MAP2K1: variants seen among roughly 807,000 people sequenced by gnomAD.
The protein encoded by MAP2K1 is mitogen-activated protein kinase kinase 1.
A neutral mutation model predicts 46.3 loss-of-function variants in MAP2K1; 16 were observed. That is an observed-to-expected ratio of 0.35 (90% CI 0.23 to 0.52). The LOEUF is 0.52. Among genes scored for constraint, MAP2K1 ranks in the 20% least tolerant of loss-of-function variants. The probability of loss-of-function intolerance (pLI) is 0.94; values close to 1 mark genes in which losing one functional copy is unlikely to be tolerated. For synonymous variants in MAP2K1, 183 were observed against 185.6 expected, an observed-to-expected ratio of 0.99 and a Z score of 0.11; for missense variants, 263 against 497.1, an observed-to-expected ratio of 0.53 and a Z score of 4.48.
Position 66,490,923 on chromosome 15 carries a change from C to T in MAP2K1, c.*308C>T. On this transcript the variant is annotated 3_prime_UTR_variant, in exon 11 of 11. Coordinates refer to ENST00000307102, the MANE Select transcript of MAP2K1 (RefSeq NM_002755.4). ...TGGTGAATGTGGGTAGTCATTCTTACAATTGCACTGCTGTTCCTGCTCCAT... is the reference window on the plus strand; with the variant it reads ...TGGTGAATGTGGGTAGTCATTCTTATAATTGCACTGCTGTTCCTGCTCCAT... The T allele has an allele frequency of 1.1e-5, 5 of 475,514 alleles. No individual in the cohort carries two copies. The highest frequency in any genetic ancestry group is 1.9e-5 in the Non-Finnish European group (5 of 257,218). The allele number at this position is 475,514 out of a possible 1,614,324, so 29.5% of individuals were successfully genotyped here. A position where few individuals can be genotyped will look rare whatever the true frequency, so the allele number is the denominator to read the frequency against.
chr15:66,448,357 C>T (rs1395638806), intron 5 of MAP2K1, among the ~76,000 whole-genome samples: 1 of 152,106 alleles, frequency 6.6e-6, no homozygotes. Flanking sequence ...GTGCTAGACA[C>T]TGGTTCTTAA....
At chr15:66,458,253 G>C (rs562608230) in intron 5 of MAP2K1, among the ~76,000 whole-genome samples, 2 of 152,190 alleles carry the variant, frequency 1.3e-5, no homozygotes, top group East Asian at 1.9e-4. Flanking sequence ...CCACCCTGCC[G>C]TTCTTAACCT....
At chr15:66,415,867 G>A (rs1016067275) in intron 1 of MAP2K1, among the ~76,000 whole-genome samples, 1 of 152,184 alleles carries the variant, frequency 6.6e-6, no homozygotes, top group Admixed American at 6.5e-5. Context: ...CTGAGGGAAG[G>A]TGGAACATAG....
intron 6 of MAP2K1, among the ~76,000 whole-genome samples, chr15:66,484,428 G>A (rs1567025610): frequency 6.6e-6 from 1 of 152,176 alleles, no homozygotes; most frequent in African/African-American, 2.4e-5. Context: ...GATTACAGGT[G>A]TGAGCCACTG....
At chr15:66,399,534 C>G (rs1218831450) in intron 1 of MAP2K1, among the ~76,000 whole-genome samples, 1 of 151,126 alleles carries the variant, frequency 6.6e-6, no homozygotes, top group Non-Finnish European at 1.5e-5. Context: ...TCACTGCAGC[C>G]TCACCGTCTG....
intron 5 of MAP2K1, among the ~76,000 whole-genome samples, chr15:66,478,147 C>A (rs935443988): frequency 6.6e-6 from 1 of 151,630 alleles, no homozygotes; most frequent in Non-Finnish European, 1.5e-5. Context: ...CTGTTCACAT[C>A]GTTGCTCAAA....
chr15:66,490,157 C>A, intron 10 of MAP2K1: 1 of 510,434 alleles, frequency 2.0e-6, no homozygotes, highest in Admixed American at 3.2e-5. Context: ...CTGTAAATAT[C>A]TGGACAGCCA....
chr15:66,428,258 A>G (rs1416352701), intron 1 of MAP2K1, among the ~76,000 whole-genome samples: 2 of 149,544 alleles, frequency 1.3e-5, no homozygotes, highest in African/African-American at 4.9e-5. Flanking sequence ...AAACAGAACC[A>G]ACAGCAGTTG....
chr15:66,402,049 T>C lies in MAP2K1; in HGVS notation c.80+14622T>C, dbSNP rs571038642. The C allele has an allele frequency of 4.8e-6, 6 of 1,251,028 alleles. No homozygotes were observed. In the East Asian group the frequency reaches 2.1e-4, roughly 43 times the overall value. 77.5% of individuals were successfully genotyped at this position (1,251,028 alleles called of 1,614,324 possible). A position where few individuals can be genotyped will look rare whatever the true frequency, so the allele number is the denominator to read the frequency against. On this transcript the variant is annotated intron_variant, in intron 1 of 10. Coordinates refer to ENST00000307102, the MANE Select transcript of MAP2K1 (RefSeq NM_002755.4). Reference sequence around the variant, plus strand: ...ATTTTAAAGTATTTCTGAGTAGTTTTTATATGCTTTGTATTTTGAAGTTTT... The same window carrying C: ...ATTTTAAAGTATTTCTGAGTAGTTTCTATATGCTTTGTATTTTGAAGTTTT...
chr15:66,438,339 G>A (rs567200193), intron 3 of MAP2K1, among the ~76,000 whole-genome samples: 8 of 152,008 alleles, frequency 5.3e-5, no homozygotes, highest in African/African-American at 1.2e-4. Flanking sequence ...TGCCCGCCTC[G>A]GCCTCCCAAA....
chr15:66,448,152 C>CAAAAAAAA (rs67953737), intron 5 of MAP2K1, among the ~76,000 whole-genome samples: 4 of 86,962 alleles, frequency 4.6e-5, no homozygotes, highest in East Asian at 3.5e-4. Context: ...GACTCCATCT[C>CAAAAAAAA]AAAAAAAAAA....
intron 1 of MAP2K1, among the ~76,000 whole-genome samples, chr15:66,399,175 TCAAA>T (rs777181558): frequency 1.8e-4 from 28 of 152,206 alleles, no homozygotes; most frequent in Non-Finnish European, 3.1e-4. Context: ...GGAAAAAAAC[TCAAA>T]CATACACAAA....
At position 66,432,959 on chromosome 15, in the gene MAP2K1, A is replaced by AGTGTGTGTGTGTGTGTGTGTGT. The variant is rs1164509967; in HGVS notation, c.81-2047_81-2026dup. 4.2e-3 allele frequency among the ~76,000 whole-genome samples: 550 copies of AGTGTGTGTGTGTGTGTGTGTGT among 131,970 alleles called. 9 individuals carry two copies. Among genetic ancestry groups the AGTGTGTGTGTGTGTGTGTGTGT allele is most frequent in the Middle Eastern group, 0.012 (3 of 256 alleles). The allele number at this position is 131,970 out of a possible 152,430, so 86.6% of individuals were successfully genotyped here. Reference sequence around the variant, plus strand: ...CTCCTTCCATTCCCCCATCATGCACAGTGTGTGTGTGTGTGTGTGTGTGTG... The same window carrying AGTGTGTGTGTGTGTGTGTGTGT: ...CTCCTTCCATTCCCCCATCATGCACAGTGTGTGTGTGTGTGTGTGTGTGTGTGTGTGTGTGTGTGTGTGTGTG... On this transcript the variant is annotated intron_variant, in intron 1 of 10. Coordinates refer to ENST00000307102, the MANE Select transcript of MAP2K1 (RefSeq NM_002755.4).
rs1012029618 is a variant in MAP2K1 at position 66,386,949 on chromosome 15, C to G, written c.-399C>G. ...GGCCGCTTCGCAGAGCGGCTAGGAG[C>G]ACGGCGGCGGCGGCACTTTCCCCGG... On this transcript the variant is annotated 5_prime_UTR_variant, in exon 1 of 11. Coordinates refer to ENST00000307102, the MANE Select transcript of MAP2K1 (RefSeq NM_002755.4). 7.8e-6 allele frequency: 2 copies of G among 255,796 alleles called. No homozygotes were observed. The highest frequency in any genetic ancestry group is 2.2e-5 in the African/African-American group (1 of 45,874). The allele number at this position is 255,796 out of a possible 1,614,324, so 15.8% of individuals were successfully genotyped here.
intron 5 of MAP2K1, chr15:66,446,609 T>C: frequency 7.3e-6 from 2 of 274,668 alleles, no homozygotes; most frequent in South Asian, 4.0e-5. Context: ...CCACCAGGAG[T>C]CACTGTGTTG....
chr15:66,417,432 CATGGTGG>C, intron 1 of MAP2K1, among the ~76,000 whole-genome samples: 1 of 152,006 alleles, frequency 6.6e-6, no homozygotes, highest in Non-Finnish European at 1.5e-5. Flanking sequence ...ATTAGCCAGG[CATGGTGG>C]CACGTGCCTG....
At chr15:66,416,423 C>T (rs989058535) in intron 1 of MAP2K1, among the ~76,000 whole-genome samples, 1 of 151,896 alleles carries the variant, frequency 6.6e-6, no homozygotes, top group African/African-American at 2.4e-5. Context: ...ATCTTGTTGT[C>T]TTCATAGCCT....
At chr15:66,441,057 G>A (rs1469522788) in intron 3 of MAP2K1, among the ~76,000 whole-genome samples, 1 of 152,122 alleles carries the variant, frequency 6.6e-6, no homozygotes, top group Non-Finnish European at 1.5e-5. Flanking sequence ...TGAGCTTCTG[G>A]GCTCAAGCAG....
intron 1 of MAP2K1, among the ~76,000 whole-genome samples, chr15:66,398,897 G>T (rs551650909): frequency 1.7e-4 from 26 of 151,590 alleles, no homozygotes; most frequent in African/African-American, 5.6e-4. Flanking sequence ...GCTCAGCCTC[G>T]AAGTGGCTGG....
Sources: allele counts gnomAD v4.1 joint callset (sites outside exome capture counted in the v4.1 genomes callset), GRCh38; gene constraint gnomAD v4.1.1; transcripts MANE v1.5; gene names NCBI Gene and HGNC (gene_info 2026-07-23, HGNC 2026-07-21).